Variants in FGGY observed in about 807,000 individuals in gnomAD.
The protein encoded by FGGY is FGGY carbohydrate kinase domain containing, also known as FGGY carbohydrate kinase domain-containing protein.
FGGY carries 72 observed loss-of-function variants against 71.3 expected under a neutral mutation model. The ratio of observed to expected loss-of-function variants is 1.01; its 90% CI spans 0.84 to 1.23. The LOEUF is 1.23. FGGY is among the 50% of genes most tolerant of loss of function. The pLI, the probability that FGGY is intolerant of heterozygous loss-of-function variation, is 0.00. For synonymous variants in FGGY, 251 were observed against 250.3 expected, an observed-to-expected ratio of 1.00 and a Z score of -0.02; for missense variants, 668 against 682.3, an observed-to-expected ratio of 0.98 and a Z score of 0.23.
chr1:59,667,132 T>C lies in FGGY; in HGVS notation c.1297-151T>C, dbSNP rs2097332977. 1.7e-5 allele frequency: 17 copies of C among 996,440 alleles called. No homozygotes were observed. The South Asian group carries it at 2.2e-4, about 13-fold the overall frequency. The allele number at this position is 996,440 out of a possible 1,614,324, so 61.7% of individuals were successfully genotyped here. ...TGCGATTTAAGTAACTGTGTGATCATAGACAACATAATCTCTGTGAGTCTC... is the reference window on the plus strand; with the variant it reads ...TGCGATTTAAGTAACTGTGTGATCACAGACAACATAATCTCTGTGAGTCTC... On this transcript the variant is annotated intron_variant, in intron 12 of 15. Coordinates refer to ENST00000303721, the MANE Select transcript of FGGY (RefSeq NM_018291.5).
intron 4 of FGGY, among the ~76,000 whole-genome samples, chr1:59,364,127 G>C (rs1359505090): frequency 6.6e-6 from 1 of 152,208 alleles, no homozygotes; most frequent in Non-Finnish European, 1.5e-5. Flanking sequence ...GCTTGGAACA[G>C]ATGCCAGGTT....
At chr1:59,611,766 A>C (rs2096683044) in intron 9 of FGGY, among the ~76,000 whole-genome samples, 1 of 152,178 alleles carries the variant, frequency 6.6e-6, no homozygotes. Flanking sequence ...GATTAGATGA[A>C]TGTCTAACTA....
intron 4 of FGGY, among the ~76,000 whole-genome samples, chr1:59,357,411 T>C (rs2054545867): frequency 6.6e-6 from 1 of 152,222 alleles, no homozygotes; most frequent in Non-Finnish European, 1.5e-5. Flanking sequence ...ATATGATCTA[T>C]GACATGACCT....
chr1:59,554,623 A>G (rs528654291), intron 8 of FGGY, among the ~76,000 whole-genome samples: 2 of 152,128 alleles, frequency 1.3e-5, no homozygotes, highest in South Asian at 2.1e-4. Context: ...CTCTCAATCA[A>G]TATAAATCCA....
intron 7 of FGGY, among the ~76,000 whole-genome samples, chr1:59,539,178 T>C (rs781724615): frequency 6.6e-6 from 1 of 152,290 alleles, no homozygotes; most frequent in Non-Finnish European, 1.5e-5. Context: ...AACAGTATTA[T>C]AAATGTGACA....
chr1:59,515,397 A>C (rs1053447585), intron 7 of FGGY, among the ~76,000 whole-genome samples: 4 of 152,122 alleles, frequency 2.6e-5, no homozygotes, highest in African/African-American at 9.7e-5. Flanking sequence ...CTTGTCTCAG[A>C]TGAGACTTTG....
chr1:59,301,897 C>T lies in FGGY; in HGVS notation c.-15+4747C>T, dbSNP rs1345623240. Among the ~76,000 whole-genome samples, 260 of 139,330 alleles carry T rather than the reference C, an allele frequency of 1.9e-3. 1 individual carries two copies. The highest frequency in any genetic ancestry group is 6.4e-3 in the African/African-American group (253 of 39,446). 91.4% of individuals were successfully genotyped at this position (139,330 alleles called of 152,430 possible). ...CCCAGCTGATTTTGTATTTTTCTTT[C>T]TTTCTTTTTTTTTTTTTTAAGTAGA... On this transcript the variant is annotated intron_variant, in intron 1 of 15. Transcript: ENST00000303721.
At chr1:59,321,982 G>A (rs946038461) in intron 2 of FGGY, among the ~76,000 whole-genome samples, 3 of 152,178 alleles carry the variant, frequency 2.0e-5, no homozygotes, top group South Asian at 2.1e-4. Context: ...AGAGCTAACC[G>A]GAGGGGGCTC....
At chr1:59,311,981 T>C (rs1211081500) in intron 1 of FGGY, among the ~76,000 whole-genome samples, 6 of 152,256 alleles carry the variant, frequency 3.9e-5, no homozygotes, top group African/African-American at 7.2e-5. Flanking sequence ...TGGTTTTGAT[T>C]TGCATTTCTC....
At chr1:59,393,850 C>T (rs763756101) in intron 5 of FGGY, among the ~76,000 whole-genome samples, 33 of 151,988 alleles carry the variant, frequency 2.2e-4, no homozygotes, top group Non-Finnish European at 3.1e-4. Context: ...TTATTTTGGC[C>T]CCCAACCCCC....
intron 7 of FGGY, among the ~76,000 whole-genome samples, chr1:59,519,020 G>T (rs1487829089): frequency 6.6e-6 from 1 of 152,148 alleles, no homozygotes; most frequent in Non-Finnish European, 1.5e-5. Flanking sequence ...CTCAAGAATA[G>T]ATATTTATCT....
chr1:59,450,889 T>C (rs1327666094), intron 5 of FGGY, among the ~76,000 whole-genome samples: 1 of 152,076 alleles, frequency 6.6e-6, no homozygotes, highest in African/African-American at 2.4e-5. Flanking sequence ...AGAACATTTT[T>C]GAAAGAAAAC....
intron 8 of FGGY, among the ~76,000 whole-genome samples, chr1:59,590,846 A>G (rs1278570401): frequency 2.0e-5 from 3 of 152,164 alleles, no homozygotes; most frequent in Non-Finnish European, 1.5e-5. Context: ...TGAATGGGCA[A>G]AAACTGGAAG....
chr1:59,586,277 T>C (rs1167230335), intron 8 of FGGY, among the ~76,000 whole-genome samples: 1 of 152,172 alleles, frequency 6.6e-6, no homozygotes, highest in Non-Finnish European at 1.5e-5. Context: ...CCAACAATGA[T>C]AGACTGGATT....
chr1:59,525,024 G>T (rs937962481), intron 7 of FGGY, among the ~76,000 whole-genome samples: 9 of 152,346 alleles, frequency 5.9e-5, no homozygotes, highest in South Asian at 4.1e-4. Context: ...CTGTCTTTAA[G>T]GCTTTGAGGT....
intron 2 of FGGY, among the ~76,000 whole-genome samples, chr1:59,326,918 T>C (rs1363307771): frequency 6.6e-6 from 1 of 152,252 alleles, no homozygotes; most frequent in Non-Finnish European, 1.5e-5. Flanking sequence ...TATTGCAGTC[T>C]ATTAAATGTG....
intron 9 of FGGY, among the ~76,000 whole-genome samples, chr1:59,608,309 C>G (rs1442577577): frequency 6.6e-6 from 1 of 152,190 alleles, no homozygotes; most frequent in Non-Finnish European, 1.5e-5. Flanking sequence ...CCCCTCCAGT[C>G]CCACACATGT....
intron 10 of FGGY, among the ~76,000 whole-genome samples, chr1:59,633,615 G>T (rs546348309): frequency 6.6e-6 from 1 of 152,178 alleles, no homozygotes; most frequent in Non-Finnish European, 1.5e-5. Context: ...AGGTTGCATT[G>T]TAGAAGAACC....
At chr1:59,413,161 A>G (rs1012306810) in intron 5 of FGGY, among the ~76,000 whole-genome samples, 3 of 152,198 alleles carry the variant, frequency 2.0e-5, no homozygotes, top group African/African-American at 7.2e-5. Context: ...GGACATTTTA[A>G]GTCCTTTTTC....
Sources: gnomAD v4.1 joint callset for allele counts (sites outside exome capture counted in the v4.1 genomes callset) on GRCh38, gnomAD v4.1.1 for gene constraint, MANE v1.5 for transcripts, NCBI Gene and HGNC (gene_info 2026-07-23, HGNC 2026-07-21) for gene names.